The following HLCS variants were observed in gnomAD, a reference collection of about 807,000 sequenced individuals.
HLCS encodes holocarboxylase synthetase.
A neutral mutation model predicts 75.0 loss-of-function variants in HLCS; 53 were observed. The ratio of observed to expected loss-of-function variants is 0.71; its 90% CI spans 0.57 to 0.89. The LOEUF is 0.89. HLCS is among the 40% of genes least tolerant of loss of function. The pLI is 0.00. For synonymous variants in HLCS, 431 were observed against 428.6 expected (o/e 1.01, Z -0.07); for missense variants, 966 against 1,074.0 (o/e 0.90, Z 1.41).
Position 36,940,185 on chromosome 21 carries a change from G to T in HLCS, c.331-1191C>A, listed in dbSNP as rs571747267. ...TTACCGACAGCTGCTTTTATTAGCT[G>T]TCACAAATGTGGCTTTAAAAGCAGC... On this transcript the variant is annotated intron_variant, in intron 2 of 10. Transcript: ENST00000674895. Among the ~76,000 whole-genome samples, 3 of 152,242 alleles carry T rather than the reference G, an allele frequency of 2.0e-5. No individual in the cohort carries two copies. The East Asian group carries it at 5.8e-4, about 29-fold the overall frequency.
chr21:36,814,013 G>A (rs2061586524), intron 6 of HLCS, among the ~76,000 whole-genome samples: 2 of 152,116 alleles, frequency 1.3e-5, no homozygotes, highest in Admixed American at 6.5e-5. Flanking sequence ...GTGGAAAAAT[G>A]TGCCCCCAGT....
chr21:36,964,647 C>A (rs139065072), intron 1 of HLCS, among the ~76,000 whole-genome samples: 1 of 152,160 alleles, frequency 6.6e-6, no homozygotes, highest in African/African-American at 2.4e-5. Context: ...AGCAGAGTTA[C>A]AGAATCCATG....
chr21:36,959,847 T>C (rs1320166692), intron 2 of HLCS, among the ~76,000 whole-genome samples: 2 of 152,152 alleles, frequency 1.3e-5, no homozygotes, highest in African/African-American at 2.4e-5. Flanking sequence ...ACCCACCGAA[T>C]GGCAGTACTA....
chr21:36,951,355 T>C (rs1359411897), intron 2 of HLCS, among the ~76,000 whole-genome samples: 1 of 152,208 alleles, frequency 6.6e-6, no homozygotes, highest in African/African-American at 2.4e-5. Flanking sequence ...GTGCAAATGC[T>C]TTCTGTGCAT....
chr21:36,966,821 G>GGGAGGGGC, upstream of HLCS, among the ~76,000 whole-genome samples: 3 of 39,098 alleles, frequency 7.7e-5, no homozygotes, highest in African/African-American at 2.2e-4. Flanking sequence ...CGGGAGGGGC[G>GGGAGGGGC]GGGGGGGGTG....
intron 6 of HLCS, among the ~76,000 whole-genome samples, chr21:36,850,470 A>T (rs527733575): frequency 1.3e-5 from 2 of 152,266 alleles, no homozygotes; most frequent in African/African-American, 4.8e-5. Flanking sequence ...ACTGCTCTCT[A>T]TCCTGCACCC....
At chr21:36,858,661 A>T (rs13050480) in intron 6 of HLCS, among the ~76,000 whole-genome samples, 1 of 152,014 alleles carries the variant, frequency 6.6e-6, no homozygotes, top group Non-Finnish European at 1.5e-5. Flanking sequence ...CTTGAAGAAT[A>T]GTGGATGGAG....
intron 6 of HLCS, among the ~76,000 whole-genome samples, chr21:36,885,893 G>A (rs961111754): frequency 1.3e-5 from 2 of 152,058 alleles, no homozygotes; most frequent in Non-Finnish European, 2.9e-5. Context: ...GGAAATAGAG[G>A]CATAAAAGGT....
chr21:36,955,056 G>A (rs2067866093), intron 2 of HLCS, among the ~76,000 whole-genome samples: 1 of 152,094 alleles, frequency 6.6e-6, no homozygotes, highest in Non-Finnish European at 1.5e-5. Context: ...GTGAGATTCT[G>A]TCTCAAAAAA....
At chr21:36,772,429 G>T (rs1221602675) in intron 6 of HLCS, among the ~76,000 whole-genome samples, 1 of 151,990 alleles carries the variant, frequency 6.6e-6, no homozygotes, top group East Asian at 1.9e-4. Context: ...TTGAGCCCAG[G>T]AGTTCAAGAG....
rs113132575 is a variant in HLCS at position 36,938,797 on chromosome 21, C to T, written c.493+35G>A. On this transcript the variant is annotated intron_variant, in intron 3 of 10. Transcript: ENST00000674895. ...GGGATTACAGGCATGAGCCACTATG[C>T]CTGGCCAATAAAAACATTTTCTAAA... 4.8e-5 allele frequency: 77 copies of T among 1,609,710 alleles called. No individual in the cohort carries two copies. The African/African-American group carries it at 9.6e-4, about 20-fold the overall frequency.
chr21:36,968,093 C>T (rs1266554145), upstream of HLCS, among the ~76,000 whole-genome samples: 1 of 152,106 alleles, frequency 6.6e-6, no homozygotes, highest in Non-Finnish European at 1.5e-5. Context: ...AATCACAGCT[C>T]TCTGCAGCTT....
chr21:36,930,289 G>C lies in HLCS; in HGVS notation c.1582C>G (p.Pro528Ala). 1 of 1,614,182 alleles carries C rather than the reference G, an allele frequency of 6.2e-7. No individual in the cohort carries two copies. Among genetic ancestry groups the C allele is most frequent in the East Asian group, 2.2e-5 (1 of 44,882 alleles). The change falls in exon 5 of 11, where the codon CCT becomes GCT. Residue 528 changes from proline to alanine, a missense_variant. Transcript: ENST00000674895. ...LGLSCDMKQV[P>A]ALTPLYLLSA... The stretch of plus-strand genomic sequence containing the variant: ...AGCAAGTAAAGAGGAGTTAAGGCAG[G>C]AACTTGTTTCATGTCACAGCTGAGG...
chr21:36,968,422 G>A (rs942487197), upstream of HLCS: 4 of 152,154 alleles, frequency 2.6e-5, no homozygotes, highest in Non-Finnish European at 5.9e-5. Context: ...TGCATATAGC[G>A]ATAGATTTTT....
chr21:36,850,855 A>G (rs189501119), intron 6 of HLCS, among the ~76,000 whole-genome samples: 4 of 152,184 alleles, frequency 2.6e-5, no homozygotes, highest in East Asian at 1.9e-4. Context: ...GAGCTCCCCT[A>G]TCCTGGGCCA....
At chr21:36,892,563 G>A (rs781196134) in intron 6 of HLCS, among the ~76,000 whole-genome samples, 9 of 152,220 alleles carry the variant, frequency 5.9e-5, no homozygotes, top group Non-Finnish European at 1.3e-4. Context: ...TCAAGTGGAA[G>A]GAAATGAATG....
At chr21:36,863,221 C>T (rs757356879) in intron 6 of HLCS, among the ~76,000 whole-genome samples, 11 of 152,002 alleles carry the variant, frequency 7.2e-5, no homozygotes, top group Non-Finnish European at 1.6e-4. Context: ...AACATAAAAA[C>T]AGTCGCATAG....
intron 6 of HLCS, among the ~76,000 whole-genome samples, chr21:36,861,152 T>A (rs1000521095): frequency 6.6e-6 from 1 of 152,154 alleles, no homozygotes; most frequent in African/African-American, 2.4e-5. Context: ...TTACAGAGCA[T>A]ATATAACCTA....
chr21:36,754,490 A>C (rs2089482543), intron 10 of HLCS, 73 bp from the exon 11 acceptor site: 2 of 1,488,858 alleles, frequency 1.3e-6, no homozygotes, highest in Admixed American at 3.7e-5. Context: ...CTGAAGAATA[A>C]TCCATGATGA....
Sources: allele counts gnomAD v4.1 joint callset (sites outside exome capture counted in the v4.1 genomes callset), GRCh38; gene constraint gnomAD v4.1.1; transcripts MANE v1.5; gene names NCBI Gene and HGNC (gene_info 2026-07-23, HGNC 2026-07-21).